The following SFMBT2 variants were observed in gnomAD, a reference collection of about 807,000 sequenced individuals.
SFMBT2 encodes Scm like with four mbt domains 2.
In SFMBT2, 38 loss-of-function variants were observed where a neutral mutation model predicts 110.1. The observed-to-expected ratio is 0.35, with a 90% CI of 0.27 to 0.45. SFMBT2 has a LOEUF of 0.45. SFMBT2 is among the 20% of genes least tolerant of loss of function. The pLI, the probability that SFMBT2 is intolerant of heterozygous loss-of-function variation, is 1.00. For missense variants in SFMBT2, 1,011 were observed against 1,094.9 expected, an observed-to-expected ratio of 0.92 and a Z score of 1.08; for synonymous variants, 425 against 425.4, an observed-to-expected ratio of 1.00 and a Z score of 0.01.
At chr10:7,386,532 C>CAGGA (rs1413912248) in intron 1 of SFMBT2, among the ~76,000 whole-genome samples, 1 of 152,070 alleles carries the variant, frequency 6.6e-6, no homozygotes, top group Non-Finnish European at 1.5e-5. Context: ...TGCTTGAACC[C>CAGGA]AGGAGGCAGA....
intron 4 of SFMBT2, among the ~76,000 whole-genome samples, chr10:7,321,201 CT>C (rs542174351): frequency 1.6e-3 from 207 of 130,454 alleles, no homozygotes; most frequent in Middle Eastern, 3.8e-3. Context: ...TATGAGCATC[CT>C]TTTTTTTTTT....
chr10:7,300,167 G>A (rs1205762914), intron 4 of SFMBT2, among the ~76,000 whole-genome samples: 1 of 152,056 alleles, frequency 6.6e-6, no homozygotes, highest in Non-Finnish European at 1.5e-5. Flanking sequence ...GGCCTGCTGG[G>A]GGATGGGGAG....
chr10:7,254,967 T>C (rs2131751051), intron 7 of SFMBT2, among the ~76,000 whole-genome samples: 1 of 152,344 alleles, frequency 6.6e-6, no homozygotes, highest in Admixed American at 6.5e-5. Context: ...GTTTTTATGA[T>C]AATTGAAGAA....
intron 11 of SFMBT2, 132 bp downstream of exon 11, chr10:7,220,279 G>A (rs1412746835): frequency 3.0e-6 from 2 of 675,204 alleles, no homozygotes; most frequent in South Asian, 2.0e-5. Context: ...TAAGAACACG[G>A]AATAATTTAA....
intron 8 of SFMBT2, among the ~76,000 whole-genome samples, chr10:7,248,339 G>A (rs191836843): frequency 1.7e-4 from 26 of 152,348 alleles, no homozygotes; most frequent in African/African-American, 6.0e-4. Flanking sequence ...CATGATAAGA[G>A]GGGGCATCTG....
rs186751067 is a variant in SFMBT2, at chr10:7,351,121, G to A, written c.436+16528C>T. On this transcript the variant is annotated intron_variant, in intron 4 of 20. Transcript: ENST00000397167. ...TAATTTTCTGCTTCCAACATGTGCTGGGCTTCAAAATCAAGTAATGTGATT... is the reference window on the plus strand; with the variant it reads ...TAATTTTCTGCTTCCAACATGTGCTAGGCTTCAAAATCAAGTAATGTGATT... Among the ~76,000 whole-genome samples the A allele has an allele frequency of 2.8e-3, 429 of 152,254 alleles. 3 individuals carry two copies. Among genetic ancestry groups the A allele is most frequent in the East Asian group, 1.9e-3 (10 of 5,182 alleles).
chr10:7,253,872 C>T (rs1436793165), intron 7 of SFMBT2, among the ~76,000 whole-genome samples: 1 of 148,806 alleles, frequency 6.7e-6, no homozygotes, highest in African/African-American at 2.5e-5. Flanking sequence ...GAAATCCCAC[C>T]AGTTTGAAAG....
chr10:7,216,053 A>G lies in SFMBT2; in HGVS notation c.1330+4358T>C, dbSNP rs150370708. 7.0e-3 allele frequency among the ~76,000 whole-genome samples: 1,064 copies of G among 152,290 alleles called. 17 individuals carry two copies. Among genetic ancestry groups the G allele is most frequent in the African/African-American group, 0.024 (999 of 41,548 alleles). On this transcript the variant is annotated intron_variant, in intron 11 of 20. Transcript: ENST00000397167. ...GCAAACCAAGCCCCTGCTATAAGTA[A>G]CACCATGATTGCCATTTTAGAAATG...
Position 7,197,433 on chromosome 10 carries a change from C to T in SFMBT2, c.1698+115G>A, listed in dbSNP as rs765298768. ...CACAGGATGGAGAGAACGGAGGTCTCGGTAAATGCCAGCTGAACTGCTTCC... is the reference window on the plus strand; with the variant it reads ...CACAGGATGGAGAGAACGGAGGTCTTGGTAAATGCCAGCTGAACTGCTTCC... On this transcript the variant is annotated intron_variant, in intron 15 of 20. Coordinates refer to ENST00000397167, the MANE Select transcript of SFMBT2 (RefSeq NM_001387889.1). The T allele has an allele frequency of 3.1e-4, 432 of 1,402,516 alleles. 3 individuals are homozygous for T. The highest frequency in any genetic ancestry group is 4.0e-4 in the Non-Finnish European group (409 of 1,026,948). 86.9% of individuals were successfully genotyped at this position (1,402,516 alleles called of 1,614,324 possible).
In SFMBT2 at chr10:7,376,727, C is replaced by CAA. The variant is rs35816107; in HGVS notation, c.100+5070_100+5071dup. Among the ~76,000 whole-genome samples, 39 of 44,722 alleles carry CAA rather than the reference C, an allele frequency of 8.7e-4. 1 individual carries two copies. Among genetic ancestry groups the CAA allele is most frequent in the South Asian group, 1.3e-3 (1 of 752 alleles). 29.3% of individuals were successfully genotyped at this position (44,722 alleles called of 152,430 possible). On this transcript the variant is annotated intron_variant, in intron 2 of 20. Coordinates refer to ENST00000397167, the MANE Select transcript of SFMBT2 (RefSeq NM_001387889.1). ...AAAAAAAAAAAAAAAGGCCCTCCCA[C>CAA]AAAAAAAAAAAAAAAAAAAAAAAAA...
chr10:7,175,432 C>T lies in SFMBT2; in HGVS notation c.1984+558G>A, dbSNP rs184901769. ...TGGGGACAGCTCTGAGTCCTGCACC[C>T]TGTGTCCTGGGAGAGAGGCAAAGCC... On this transcript the variant is annotated intron_variant, in intron 17 of 20. Coordinates refer to ENST00000397167, the MANE Select transcript of SFMBT2 (RefSeq NM_001387889.1). Among the ~76,000 whole-genome samples, 3 of 152,316 alleles carry T rather than the reference C, an allele frequency of 2.0e-5. No homozygotes were observed. In the South Asian group the frequency reaches 6.2e-4, roughly 32 times the overall value.
intron 4 of SFMBT2, among the ~76,000 whole-genome samples, chr10:7,313,500 T>C (rs1246051551): frequency 6.6e-6 from 1 of 152,232 alleles, no homozygotes; most frequent in Non-Finnish European, 1.5e-5. Context: ...GTGTTTTCTC[T>C]ACAGACAGAG....
intron 9 of SFMBT2, among the ~76,000 whole-genome samples, chr10:7,232,460 T>C (rs1840131990): frequency 6.6e-6 from 1 of 152,148 alleles, no homozygotes; most frequent in African/African-American, 2.4e-5. Context: ...TAACCTTCTG[T>C]GCAGTAATAG....
chr10:7,181,811 A>ATTAAAATTT (rs1838252926), intron 16 of SFMBT2, among the ~76,000 whole-genome samples: 1 of 152,232 alleles, frequency 6.6e-6, no homozygotes. Context: ...TGAACATACG[A>ATTAAAATTT]AGATACAGCC....
intron 1 of SFMBT2, among the ~76,000 whole-genome samples, chr10:7,396,273 G>C (rs1845924377): frequency 6.6e-6 from 1 of 152,216 alleles, no homozygotes; most frequent in Non-Finnish European, 1.5e-5. Context: ...AGGCTGACTG[G>C]TATCTCTGAG....
intron 2 of SFMBT2, among the ~76,000 whole-genome samples, chr10:7,380,745 T>C (rs1845396506): frequency 6.6e-6 from 1 of 152,142 alleles, no homozygotes; most frequent in Non-Finnish European, 1.5e-5. Context: ...ACTTCATTAG[T>C]TAAATAATTA....
intron 11 of SFMBT2, among the ~76,000 whole-genome samples, chr10:7,212,627 T>G (rs979914636): frequency 6.6e-6 from 1 of 152,226 alleles, no homozygotes; most frequent in Non-Finnish European, 1.5e-5. Context: ...TTACACTCTA[T>G]CGATGTTCAT....
chr10:7,389,335 A>T (rs549536097), intron 1 of SFMBT2, among the ~76,000 whole-genome samples: 9 of 152,156 alleles, frequency 5.9e-5, no homozygotes, highest in Non-Finnish European at 1.0e-4. Flanking sequence ...TTTCCTAACT[A>T]CAACACCCTA....
intron 2 of SFMBT2, among the ~76,000 whole-genome samples, chr10:7,378,021 G>C (rs1163109939): frequency 6.6e-6 from 1 of 151,752 alleles, no homozygotes; most frequent in African/African-American, 2.4e-5. Context: ...ATGTGAATGG[G>C]TGGGAGTGTG....
Sources: gnomAD v4.1 joint callset for allele counts (sites outside exome capture counted in the v4.1 genomes callset) on GRCh38, gnomAD v4.1.1 for gene constraint, MANE v1.5 for transcripts, NCBI Gene and HGNC (gene_info 2026-07-23, HGNC 2026-07-21) for gene names.